DPYD: variants seen among roughly 807,000 people sequenced by gnomAD.
The protein encoded by DPYD is dihydropyrimidine dehydrogenase [NADP(+)].
A neutral mutation model predicts 116.2 loss-of-function variants in DPYD; 109 were observed. The ratio of observed to expected loss-of-function variants is 0.94; its 90% CI spans 0.80 to 1.10. The LOEUF is 1.10. DPYD is among the 50% of genes least tolerant of loss of function. The pLI is 0.00. For missense variants in DPYD, 1,302 were observed against 1,254.5 expected (o/e 1.04, Z -0.57); for synonymous variants, 440 against 432.0 (o/e 1.02, Z -0.23).
chr1:97,584,944 T>TATTATAATA (rs1553200011), intron 10 of DPYD, among the ~76,000 whole-genome samples: 2 of 146,052 alleles, frequency 1.4e-5, no homozygotes, highest in East Asian at 4.0e-4. Flanking sequence ...AAACTTAAAG[T>TATTATAATA]ATAATAATAA....
chr1:97,525,976 A>AGTGT (rs1491557954), intron 12 of DPYD, among the ~76,000 whole-genome samples: 84 of 73,778 alleles, frequency 1.1e-3, no homozygotes, highest in Middle Eastern at 8.1e-3. Flanking sequence ...TGGGTAATTA[A>AGTGT]GAGTGTGTGT....
chr1:97,813,914 A>G (rs1668445550), intron 3 of DPYD, among the ~76,000 whole-genome samples: 2 of 73,390 alleles, frequency 2.7e-5, no homozygotes, highest in Non-Finnish European at 5.1e-5. Flanking sequence ...GGAAACACAC[A>G]GACACACACA....
intron 18 of DPYD, among the ~76,000 whole-genome samples, chr1:97,247,260 T>C (rs935854523): frequency 1.3e-5 from 2 of 152,080 alleles, no homozygotes; most frequent in Admixed American, 1.3e-4. Flanking sequence ...AAAGAGCATA[T>C]GATCAAAAAA....
At chr1:97,369,149 G>A (rs896530315) in intron 16 of DPYD, among the ~76,000 whole-genome samples, 1 of 152,112 alleles carries the variant, frequency 6.6e-6, no homozygotes, top group Non-Finnish European at 1.5e-5. Flanking sequence ...TCAAAAAGGT[G>A]TCATTTTGGC....
intron 11 of DPYD, among the ~76,000 whole-genome samples, chr1:97,560,740 G>T (rs1652087187): frequency 6.6e-6 from 1 of 152,092 alleles, no homozygotes; most frequent in Non-Finnish European, 1.5e-5. Flanking sequence ...TATGAATAGG[G>T]TTACATGAAA....
chr1:97,109,841 T>C (rs963312801), intron 20 of DPYD, among the ~76,000 whole-genome samples: 6 of 145,444 alleles, frequency 4.1e-5, no homozygotes, highest in Non-Finnish European at 9.3e-5. Context: ...TAAAAGGAAG[T>C]ATAAGTTTTT....
intron 3 of DPYD, among the ~76,000 whole-genome samples, chr1:97,770,761 G>C (rs1171604728): frequency 1.3e-5 from 2 of 151,846 alleles, no homozygotes; most frequent in Non-Finnish European, 2.9e-5. Context: ...TGCTGCACAC[G>C]TCTCTTTCAA....
rs181803085 is a variant in DPYD, at chr1:97,163,303, C to T, written c.2622+29766G>A. Among the ~76,000 whole-genome samples, 1,446 of 152,244 alleles carry T rather than the reference C, an allele frequency of 9.5e-3. 25 individuals are homozygous for T. The highest frequency in any genetic ancestry group is 0.033 in the African/African-American group (1,390 of 41,558). The stretch of plus-strand genomic sequence containing the variant: ...TTTACAAGAAAAAAACAAACAACCC[C>T]ATCAAAAAGTGGGTGAAGGACATGA... On this transcript the variant is annotated intron_variant, in intron 20 of 22. Transcript: ENST00000370192.
chr1:97,463,774 C>G (rs929305919), intron 13 of DPYD, among the ~76,000 whole-genome samples: 3 of 152,166 alleles, frequency 2.0e-5, no homozygotes, highest in Admixed American at 2.0e-4. Context: ...AGCAAAGAGA[C>G]TGGCAGCATT....
chr1:97,859,811 T>G (rs1485920674), intron 2 of DPYD, among the ~76,000 whole-genome samples: 1 of 152,146 alleles, frequency 6.6e-6, no homozygotes, highest in Non-Finnish European at 1.5e-5. Flanking sequence ...TCATTATAAA[T>G]GTAAACAAAG....
intron 7 of DPYD, among the ~76,000 whole-genome samples, chr1:97,681,178 T>C (rs1456971478): frequency 1.3e-5 from 2 of 152,158 alleles, no homozygotes; most frequent in East Asian, 1.9e-4. Context: ...CAAGAGAGCT[T>C]ACATAACCTT....
intron 8 of DPYD, among the ~76,000 whole-genome samples, chr1:97,677,613 G>A (rs1386679899): frequency 3.3e-5 from 5 of 152,020 alleles, no homozygotes; most frequent in Admixed American, 2.0e-4. Context: ...TCCTACTTTT[G>A]ATATACACAA....
At chr1:97,667,577 C>T (rs909864290) in intron 8 of DPYD, among the ~76,000 whole-genome samples, 8 of 152,058 alleles carry the variant, frequency 5.3e-5, no homozygotes, top group African/African-American at 1.7e-4. Flanking sequence ...CAAATGTTGG[C>T]GATGATGTGA....
intron 8 of DPYD, among the ~76,000 whole-genome samples, chr1:97,677,445 G>A (rs980117753): frequency 6.6e-6 from 1 of 152,086 alleles, no homozygotes; most frequent in Non-Finnish European, 1.5e-5. Flanking sequence ...AAGCATTTTT[G>A]ATCATGTGTT....
intron 1 of DPYD, among the ~76,000 whole-genome samples, chr1:97,916,110 A>G (rs1319991774): frequency 6.6e-6 from 1 of 152,246 alleles, no homozygotes; most frequent in East Asian, 1.9e-4. Context: ...TTGCTTAAAG[A>G]TCTTCCATAA....
intron 11 of DPYD, among the ~76,000 whole-genome samples, chr1:97,555,476 C>A (rs1651625589): frequency 6.6e-6 from 1 of 152,108 alleles, no homozygotes; most frequent in Non-Finnish European, 1.5e-5. Context: ...ACAAGCTTCC[C>A]CTGGGCCTTC....
chr1:97,441,218 T>G (rs904103828), intron 14 of DPYD, among the ~76,000 whole-genome samples: 2 of 152,114 alleles, frequency 1.3e-5, no homozygotes, highest in East Asian at 1.9e-4. Flanking sequence ...GGGGTTTTTT[T>G]GGGGAGGGGT....
intron 13 of DPYD, among the ~76,000 whole-genome samples, chr1:97,458,693 G>A (rs1213925957): frequency 2.0e-5 from 3 of 152,144 alleles, no homozygotes; most frequent in Non-Finnish European, 4.4e-5. Flanking sequence ...AGAGAGCAAT[G>A]GCGGGTCATG....
At chr1:97,732,336 A>T (rs1663668110) in intron 4 of DPYD, among the ~76,000 whole-genome samples, 1 of 152,004 alleles carries the variant, frequency 6.6e-6, no homozygotes, top group Admixed American at 6.6e-5. Context: ...TTAGCCGGGC[A>T]TGGTGGCACA....
Sources: gnomAD v4.1 joint callset for allele counts (sites outside exome capture counted in the v4.1 genomes callset) on GRCh38, gnomAD v4.1.1 for gene constraint, MANE v1.5 for transcripts, NCBI Gene and HGNC (gene_info 2026-07-23, HGNC 2026-07-21) for gene names.